Variants in SKIC3 observed in about 807,000 individuals in gnomAD.
The protein encoded by SKIC3 is superkiller complex protein 3.
chr5:95,484,679 GTAAGA>G, the SKIC3 span: 1 of 1,613,214 alleles, frequency 6.2e-7, no homozygotes, highest in Non-Finnish European at 8.5e-7. Context: ...TATTTTCCCA[GTAAGA>G]TAAGAATCCA....
At chr5:95,498,589 G>C in the SKIC3 span, 10 of 1,611,716 alleles carry the variant, frequency 6.2e-6, no homozygotes, top group African/African-American at 8.0e-5. Context: ...CTTTAAGATA[G>C]AGCTGTAAAG....
chr5:95,529,008 G>C, the SKIC3 span: 28 of 1,613,358 alleles, frequency 1.7e-5, 1 homozygote, highest in Middle Eastern at 1.2e-3. Flanking sequence ...TACCTTGACT[G>C]CATGAAAGAA....
At chr5:95,530,071 C>T in the SKIC3 span, 3 of 1,611,428 alleles carry the variant, frequency 1.9e-6, no homozygotes, top group Non-Finnish European at 2.5e-6. Flanking sequence ...CGTTACATGC[C>T]ATACACTGTA....
At chr5:95,519,171 A>G in the SKIC3 span, among the ~76,000 whole-genome samples, 1 of 152,044 alleles carries the variant, frequency 6.6e-6, no homozygotes, top group Admixed American at 6.6e-5. Context: ...AAGCTCAAAA[A>G]GCAAAGAGAA....
the SKIC3 span, chr5:95,528,005 A>T: frequency 1.9e-6 from 3 of 1,613,316 alleles, no homozygotes; most frequent in African/African-American, 1.3e-5. Context: ...AAAACTTGAC[A>T]AGTCTACCTG....
the SKIC3 span, among the ~76,000 whole-genome samples, chr5:95,500,244 A>G: frequency 1.3e-5 from 2 of 152,234 alleles, no homozygotes; most frequent in African/African-American, 4.8e-5. Flanking sequence ...TCCAAAGCGG[A>G]AATTCTAGAG....
the SKIC3 span, among the ~76,000 whole-genome samples, chr5:95,542,192 A>G: frequency 8.5e-5 from 13 of 152,180 alleles, no homozygotes; most frequent in South Asian, 4.1e-4. Context: ...ACAATAATAA[A>G]CACTTTTAAT....
the SKIC3 span, among the ~76,000 whole-genome samples, chr5:95,478,765 GA>G: frequency 6.6e-6 from 1 of 151,922 alleles, no homozygotes; most frequent in African/African-American, 2.4e-5. Context: ...ACAGAATAAA[GA>G]AAAAGATTAA....
the SKIC3 span, chr5:95,529,356 T>C: frequency 3.8e-6 from 2 of 526,012 alleles, no homozygotes; most frequent in Non-Finnish European, 6.9e-6. Context: ...ATGCATTCTT[T>C]ACACTGTAGC....
the SKIC3 span, among the ~76,000 whole-genome samples, chr5:95,553,335 A>G: frequency 1.3e-5 from 2 of 152,254 alleles, no homozygotes; most frequent in African/African-American, 4.8e-5. Context: ...TTATGGAATC[A>G]GACACAAAAT....
the SKIC3 span, among the ~76,000 whole-genome samples, chr5:95,485,873 G>C: frequency 6.6e-6 from 1 of 152,132 alleles, no homozygotes; most frequent in Non-Finnish European, 1.5e-5. Flanking sequence ...AAAGTGACAG[G>C]AAACACCAAA....
the SKIC3 span, among the ~76,000 whole-genome samples, chr5:95,467,335 C>T: frequency 6.6e-6 from 1 of 152,002 alleles, no homozygotes; most frequent in African/African-American, 2.4e-5. Flanking sequence ...CATTTGTCAC[C>T]TCTGGTTAGT....
the SKIC3 span, chr5:95,525,531 G>C: frequency 1.2e-5 from 19 of 1,613,588 alleles, no homozygotes; most frequent in Non-Finnish European, 1.6e-5. Context: ...CAATTCTATA[G>C]CCAAATAAAA....
chr5:95,536,764 A>T, the SKIC3 span: 1 of 1,392,912 alleles, frequency 7.2e-7, no homozygotes, highest in Non-Finnish European at 1.0e-6. Flanking sequence ...TAATAACATC[A>T]CTCACATAAT....
At chr5:95,504,734 C>G in the SKIC3 span, among the ~76,000 whole-genome samples, 1 of 151,986 alleles carries the variant, frequency 6.6e-6, no homozygotes, top group African/African-American at 2.4e-5. Context: ...GGCACAGTGG[C>G]TCACACCTGT....
the SKIC3 span, chr5:95,484,882 A>T: frequency 6.2e-7 from 1 of 1,607,012 alleles, no homozygotes; most frequent in Non-Finnish European, 8.5e-7. Flanking sequence ...TTTCTTCTGC[A>T]ATTTATAATG....
At chr5:95,464,702 G>T in the SKIC3 span, 1 of 1,592,256 alleles carries the variant, frequency 6.3e-7, no homozygotes, top group Non-Finnish European at 8.6e-7. Context: ...TCACATACAG[G>T]AACGTCAGTA....
At chr5:95,514,056 G>A in the SKIC3 span, among the ~76,000 whole-genome samples, 1 of 152,082 alleles carries the variant, frequency 6.6e-6, no homozygotes, top group Non-Finnish European at 1.5e-5. Context: ...CTACCACAGT[G>A]AATGGGAACA....
At chr5:95,539,805 C>G in the SKIC3 span, among the ~76,000 whole-genome samples, 1 of 150,010 alleles carries the variant, frequency 6.7e-6, no homozygotes, top group Non-Finnish European at 1.5e-5. Context: ...GATTGCACCA[C>G]TGCACTCCAG....
Sources: gnomAD v4.1 joint callset for allele counts (sites outside exome capture counted in the v4.1 genomes callset) on GRCh38, gnomAD v4.1.1 for gene constraint, MANE v1.5 for transcripts, NCBI Gene and HGNC (gene_info 2026-07-23, HGNC 2026-07-21) for gene names.